The following APC variants were observed in gnomAD, a reference collection of about 807,000 sequenced individuals.
APC encodes APC regulator of Wnt signaling pathway.
APC carries 72 observed loss-of-function variants against 247.0 expected under a neutral mutation model. The ratio of observed to expected loss-of-function variants is 0.29; its 90% CI spans 0.24 to 0.35. APC has a LOEUF of 0.35. APC is among the 10% of genes least tolerant of loss of function. The pLI, the probability that APC is intolerant of heterozygous loss-of-function variation, is 1.00. For synonymous variants in APC, 1,254 were observed against 1,162.5 expected (o/e 1.08, Z -1.60); for missense variants, 3,400 against 3,360.7 (o/e 1.01, Z -0.29).
intron 8 of APC, 112 bp downstream of exon 8, chr5:112,801,495 A>G: frequency 2.6e-6 from 2 of 776,780 alleles, no homozygotes; most frequent in Non-Finnish European, 4.2e-6. Flanking sequence ...TTAGTCCTGA[A>G]TGCATATTTC....
Position 112,843,164 on chromosome 5 carries a change from A to G in APC, c.7570A>G (p.Lys2524Glu), listed in dbSNP as rs143060722. 156 of 1,613,626 alleles carry G rather than the reference A, an allele frequency of 9.7e-5. No individual in the cohort carries two copies. Among genetic ancestry groups the G allele is most frequent in the Non-Finnish European group, 1.3e-4 (150 of 1,179,640 alleles). ...TIEYNDGRPA[K>E]RHDIARSHSE... The stretch of plus-strand genomic sequence containing the variant: ...AGAGTATAATGATGGAAGACCAGCA[A>G]AGCGCCATGATATTGCACGGTCTCA... Residue 2524 changes from lysine (K) to glutamate (E), a missense_variant, in exon 16 of 16, where the codon AAG becomes GAG. Lys to Glu is a moderately conservative substitution (Grantham distance 56). Around this residue, in one of 9 missense-constraint regions of APC, gnomAD observed 1,788 missense variants for 1,649.5 expected, o/e 1.08. Coordinates refer to ENST00000257430, the MANE Select transcript of APC (RefSeq NM_000038.6). The surrounding 1 kb of genome is among the most constrained non-coding windows in gnomAD (Gnocchi z 4.8).
intron 1 of APC, among the ~76,000 whole-genome samples, chr5:112,722,226 CTG>C (rs778093357): frequency 6.6e-6 from 1 of 152,144 alleles, no homozygotes; most frequent in Admixed American, 6.5e-5. Context: ...AAGTAATACA[CTG>C]TTCGGTTTTG....
chr5:112,826,931 ATATAT>A (rs1292367572), intron 11 of APC, among the ~76,000 whole-genome samples, 172 bp from the exon 12 acceptor site: 5 of 152,224 alleles, frequency 3.3e-5, no homozygotes, highest in African/African-American at 9.6e-5. Context: ...TACTTTATAA[ATATAT>A]TATACAGAAG....
Position 112,841,075 on chromosome 5 carries a change from C to T in APC, c.5481C>T (p.Leu1827=), listed in dbSNP as rs774567729. 9.9e-6 allele frequency: 16 copies of T among 1,612,798 alleles called. No individual in the cohort carries two copies. The highest frequency in any genetic ancestry group is 1.4e-5 in the Non-Finnish European group (16 of 1,178,904). ...KNNSKVFNDK[L]PNNEDRVRGS... is the part of the protein sequence containing the mutation. ...ATTCCAAGGTCTTCAATGATAAGCT[C>T]CCAAATAATGAAGATAGAGTCAGAG... Residue 1827 remains leucine, a synonymous_variant, in exon 16 of 16, where the codon CTC becomes CTT. Coordinates refer to ENST00000257430, the MANE Select transcript of APC (RefSeq NM_000038.6). The surrounding 1 kb of genome is among the most constrained non-coding windows in gnomAD (Gnocchi z 4.6).
At chr5:112,818,855 G>GGGTGTTTTGTTTTT in intron 9 of APC, 111 bp from the exon 10 acceptor site, 63 of 1,118,176 alleles carry the variant, frequency 5.6e-5, no homozygotes, top group South Asian at 2.3e-4. Context: ...GGCGGGGGGG[G>GGGTGTTTTGTTTTT]TTGTTTTGTT....
At chr5:112,759,482 C>T (rs868317934) in intron 2 of APC, among the ~76,000 whole-genome samples, 2 of 151,306 alleles carry the variant, frequency 1.3e-5, no homozygotes, top group African/African-American at 4.9e-5. Flanking sequence ...CTCAGCCTCC[C>T]GAGTAGCTGG....
chr5:112,801,920 T>C (rs1297389402), intron 8 of APC, among the ~76,000 whole-genome samples: 7 of 152,058 alleles, frequency 4.6e-5, no homozygotes, highest in Admixed American at 4.6e-4. Flanking sequence ...TTCAGCAAAA[T>C]TATGAAAGTA....
At chr5:112,740,225 T>C (rs573135475) in intron 1 of APC, among the ~76,000 whole-genome samples, 21 of 152,188 alleles carry the variant, frequency 1.4e-4, no homozygotes, top group Non-Finnish European at 2.9e-4. Context: ...CATAATGACA[T>C]TCATAAACGA....
chr5:112,818,869 T>TTTGAG, intron 9 of APC, 97 bp from the exon 10 acceptor site: 1 of 1,376,290 alleles, frequency 7.3e-7, no homozygotes. Context: ...TTTTGTTTTT[T>TTTGAG]TAGAGTTATA....
intron 4 of APC, among the ~76,000 whole-genome samples, chr5:112,773,624 T>C (rs1037240520): frequency 4.8e-4 from 73 of 152,302 alleles, no homozygotes; most frequent in African/African-American, 1.7e-3. Flanking sequence ...AAACATGTTA[T>C]TAAGAAAATC....
chr5:112,759,132 G>T (rs1477183838), intron 2 of APC, among the ~76,000 whole-genome samples: 1 of 150,116 alleles, frequency 6.7e-6, no homozygotes, highest in African/African-American at 2.5e-5. Flanking sequence ...AGAAAGTAAG[G>T]AAAAACCGAG....
chr5:112,773,876 TAGTA>T (rs1285902036), intron 4 of APC, among the ~76,000 whole-genome samples: 3 of 152,050 alleles, frequency 2.0e-5, no homozygotes, highest in Admixed American at 6.6e-5. Flanking sequence ...ATCTCACTCA[TAGTA>T]AGAGAAATCA....
At position 112,783,259 on chromosome 5, in the gene APC, C is replaced by T. The variant is rs2431512; in HGVS notation, c.645+2356C>T. On this transcript the variant is annotated intron_variant, in intron 6 of 15. Coordinates refer to ENST00000257430, the MANE Select transcript of APC (RefSeq NM_000038.6). The stretch of plus-strand genomic sequence containing the variant: ...CATTTTGTTCACATAAGCGCTGATA[C>T]TGTCATTCTTACTTTATTCTGGAAT... Among the ~76,000 whole-genome samples, 60,988 of 151,928 alleles carry T rather than the reference C, an allele frequency of 0.4. 14,771 individuals are homozygous for T. Among genetic ancestry groups the T allele is most frequent in the East Asian group, 0.65 (3,367 of 5,172 alleles).
At chr5:112,784,891 G>C (rs116066206) in intron 6 of APC, among the ~76,000 whole-genome samples, 1 of 152,214 alleles carries the variant, frequency 6.6e-6, no homozygotes, top group African/African-American at 2.4e-5. Flanking sequence ...ACTTTGGGAG[G>C]CTGACGCAAG....
chr5:112,738,095 A>G (rs755774589), intron 1 of APC, among the ~76,000 whole-genome samples, 170 bp downstream of exon 1: 25 of 152,030 alleles, frequency 1.6e-4, no homozygotes, highest in Non-Finnish European at 5.9e-5. Context: ...AGCACTGGAG[A>G]TGGATTTCCT....
chr5:112,747,994 G>T (rs1753875987), intron 1 of APC, among the ~76,000 whole-genome samples: 1 of 152,082 alleles, frequency 6.6e-6, no homozygotes, highest in South Asian at 2.1e-4. Context: ...TATGTGTTTG[G>T]GGCTGCTTTT....
At position 112,842,263 on chromosome 5, in the gene APC, A is replaced by T. The variant is rs372680843; in HGVS notation, c.6669A>T (p.Ser2223=). 2 of 1,614,066 alleles carry T rather than the reference A, an allele frequency of 1.2e-6. No homozygotes were observed. The highest frequency in any genetic ancestry group is 1.7e-6 in the Non-Finnish European group (2 of 1,179,934). The change falls in exon 16 of 16, where the codon TCA becomes TCT. Residue 2223 remains serine (S), a synonymous_variant. Coordinates refer to ENST00000257430, the MANE Select transcript of APC (RefSeq NM_000038.6). The part of the protein sequence containing the change: ...MKQPLQANMP[S]ISRGRTMIHI... ...AGCCCCTTCAAGCAAACATGCCTTC[A>T]ATCTCTCGAGGCAGGACAATGATTC...
intron 1 of APC, among the ~76,000 whole-genome samples, chr5:112,724,219 A>G (rs992810173): frequency 1.3e-5 from 2 of 152,162 alleles, no homozygotes; most frequent in Admixed American, 6.5e-5. Flanking sequence ...ATTAATTGCT[A>G]CTAGATACCT....
At position 112,791,521 on chromosome 5, in the gene APC, G is replaced by T. The variant is rs564529898; in HGVS notation, c.646-925G>T. Among the ~76,000 whole-genome samples the T allele has an allele frequency of 2.0e-5, 3 of 152,254 alleles. No individual in the cohort carries two copies. The South Asian group carries it at 6.2e-4, about 32-fold the overall frequency. ...CCGCTTGTGAACTGCACATGTGAGGGATCTAGGTTGCGGGCTCCTTATGAG... is the reference window on the plus strand; with the variant it reads ...CCGCTTGTGAACTGCACATGTGAGGTATCTAGGTTGCGGGCTCCTTATGAG... On this transcript the variant is annotated intron_variant, in intron 6 of 15. Coordinates refer to ENST00000257430, the MANE Select transcript of APC (RefSeq NM_000038.6).
Sources: gnomAD v4.1 joint callset for allele counts (sites outside exome capture counted in the v4.1 genomes callset) on GRCh38, gnomAD v4.1.1 for gene constraint, gnomAD v4.1.1 regional missense constraint, Gnocchi (gnomAD v3.1) non-coding constraint, MANE v1.5 for transcripts, NCBI Gene and HGNC (gene_info 2026-07-23, HGNC 2026-07-21) for gene names.